The following STPG2 variants were observed in gnomAD, a reference collection of about 807,000 sequenced individuals.
STPG2 encodes sperm tail PG-rich repeat containing 2, also known as sperm-tail PG-rich repeat-containing protein 2.
A neutral mutation model predicts 54.2 loss-of-function variants in STPG2; 56 were observed. The ratio of observed to expected loss-of-function variants is 1.03; its 90% CI spans 0.83 to 1.29. The LOEUF (loss-of-function observed/expected upper bound fraction) is 1.29, where lower values mean the gene tolerates loss of function less well. STPG2 is among the 50% of genes most tolerant of loss of function. The probability of loss-of-function intolerance (pLI) is 0.00; values close to 1 mark genes in which losing one functional copy is unlikely to be tolerated. For missense variants in STPG2, 596 were observed against 544.9 expected (o/e 1.09, Z -0.93); for synonymous variants, 200 against 181.8 (o/e 1.10, Z -0.81).
chr4:98,110,272 A>C (rs990333106), intron 3 of STPG2, among the ~76,000 whole-genome samples: 1 of 152,110 alleles, frequency 6.6e-6, no homozygotes, highest in Non-Finnish European at 1.5e-5. Context: ...CACCAGGGAA[A>C]GGCAGTCTCC....
chr4:97,786,237 CT>C (rs1330572288), intron 9 of STPG2, among the ~76,000 whole-genome samples: 1 of 150,590 alleles, frequency 6.6e-6, no homozygotes, highest in Admixed American at 6.6e-5. Flanking sequence ...ATTCAAATTG[CT>C]TTGAATTTAG....
At chr4:97,710,110 T>C (rs537705676) in intron 10 of STPG2, among the ~76,000 whole-genome samples, 1 of 104,306 alleles carries the variant, frequency 9.6e-6, no homozygotes, top group South Asian at 3.8e-4. Context: ...CCTTCTAAAA[T>C]TGTATGCACA....
chr4:97,943,668 A>T (rs1733080490), intron 8 of STPG2, among the ~76,000 whole-genome samples: 1 of 152,178 alleles, frequency 6.6e-6, no homozygotes, highest in Non-Finnish European at 1.5e-5. Flanking sequence ...ATGTTCTCTG[A>T]CCCTACAAGG....
At chr4:98,046,823 A>G (rs1737144177) in intron 5 of STPG2, among the ~76,000 whole-genome samples, 1 of 152,172 alleles carries the variant, frequency 6.6e-6, no homozygotes. Flanking sequence ...CCTGGCTTCC[A>G]TCTGCTCTCA....
intron 4 of STPG2, among the ~76,000 whole-genome samples, chr4:97,508,337 G>A (rs1423285936): frequency 6.6e-6 from 1 of 151,928 alleles, no homozygotes; most frequent in Admixed American, 6.6e-5. Context: ...CCATATATTG[G>A]TTCATGACAG....
intron 5 of STPG2, among the ~76,000 whole-genome samples, chr4:98,041,383 T>C (rs1290496778): frequency 6.6e-6 from 1 of 151,784 alleles, no homozygotes; most frequent in South Asian, 2.1e-4. Context: ...AGTGGTAAAA[T>C]TGAACATCCT....
chr4:97,740,701 G>C (rs1447925524), intron 9 of STPG2, among the ~76,000 whole-genome samples: 3 of 151,876 alleles, frequency 2.0e-5, no homozygotes, highest in Non-Finnish European at 4.4e-5. Context: ...CACTGCTCAA[G>C]GAAATAAAAG....
intron 8 of STPG2, among the ~76,000 whole-genome samples, chr4:97,934,941 C>T (rs1732693950): frequency 6.6e-6 from 1 of 152,132 alleles, no homozygotes; most frequent in African/African-American, 2.4e-5. Context: ...GTAACAGCTC[C>T]TCTTTGTACC....
intron 4 of STPG2, among the ~76,000 whole-genome samples, chr4:97,523,997 G>C (rs1731231628): frequency 6.6e-6 from 1 of 151,856 alleles, no homozygotes; most frequent in Non-Finnish European, 1.5e-5. Flanking sequence ...TGGGTTCAAG[G>C]GACATGGAAG....
chr4:97,907,556 C>T (rs984715261), intron 8 of STPG2, among the ~76,000 whole-genome samples: 2 of 151,986 alleles, frequency 1.3e-5, no homozygotes, highest in African/African-American at 4.8e-5. Context: ...GCCTACATCG[C>T]CAAGTCAATC....
chr4:97,566,091 A>C (rs1488904546), intron 10 of STPG2, among the ~76,000 whole-genome samples: 3 of 152,170 alleles, frequency 2.0e-5, no homozygotes, highest in Non-Finnish European at 4.4e-5. Context: ...GGCTCCACCC[A>C]GTTCGAGCTT....
intron 8 of STPG2, among the ~76,000 whole-genome samples, chr4:97,914,067 A>T (rs1002785223): frequency 6.6e-6 from 1 of 152,200 alleles, no homozygotes; most frequent in Non-Finnish European, 1.5e-5. Flanking sequence ...AGACCTACAC[A>T]TGCAATACAA....
chr4:97,566,703 TA>T (rs769754942), intron 10 of STPG2, among the ~76,000 whole-genome samples: 1 of 151,978 alleles, frequency 6.6e-6, no homozygotes, highest in Non-Finnish European at 1.5e-5. Flanking sequence ...TATGCAGCCA[TA>T]AAAAATGATG....
intron 8 of STPG2, among the ~76,000 whole-genome samples, chr4:97,881,431 C>G (rs1169594623): frequency 6.6e-6 from 1 of 152,010 alleles, no homozygotes; most frequent in East Asian, 1.9e-4. Flanking sequence ...TTAATATGAC[C>G]TTGCAAAAGC....
intron 9 of STPG2, among the ~76,000 whole-genome samples, chr4:97,767,937 G>A (rs565856710): frequency 6.6e-6 from 1 of 152,274 alleles, no homozygotes; most frequent in Admixed American, 6.5e-5. Context: ...GGAGGCCAAG[G>A]CGGGCAGATC....
intron 4 of STPG2, among the ~76,000 whole-genome samples, chr4:97,460,006 C>T (rs1474069993): frequency 6.6e-6 from 1 of 152,160 alleles, no homozygotes; most frequent in African/African-American, 2.4e-5. Flanking sequence ...CTTACTAAAG[C>T]TCTACAGAGT....
At chr4:97,665,471 A>T (rs1722495768) in intron 10 of STPG2, among the ~76,000 whole-genome samples, 2 of 152,126 alleles carry the variant, frequency 1.3e-5, no homozygotes, top group Admixed American at 1.3e-4. Context: ...TCCCCTCTGC[A>T]GCTGGTCATC....
At chr4:97,970,225 C>T (rs1337110596) in intron 7 of STPG2, among the ~76,000 whole-genome samples, 1 of 152,152 alleles carries the variant, frequency 6.6e-6, no homozygotes, top group African/African-American at 2.4e-5. Context: ...TGAAAATGGC[C>T]ATACTGACCA....
chr4:97,480,947 G>A (rs1730205670), intron 4 of STPG2, among the ~76,000 whole-genome samples: 1 of 151,204 alleles, frequency 6.6e-6, no homozygotes, highest in Admixed American at 6.6e-5. Context: ...ACTTTTTATT[G>A]TGTGGTTCAA....
Sources: allele counts gnomAD v4.1 joint callset (sites outside exome capture counted in the v4.1 genomes callset), GRCh38; gene constraint gnomAD v4.1.1; transcripts MANE v1.5; gene names NCBI Gene and HGNC (gene_info 2026-07-23, HGNC 2026-07-21).